ADCY2: variants seen among roughly 807,000 people sequenced by gnomAD.
The protein encoded by ADCY2 is adenylate cyclase type 2.
A neutral mutation model predicts 125.2 loss-of-function variants in ADCY2; 31 were observed. That is an observed-to-expected ratio of 0.25 (90% CI 0.19 to 0.33). The LOEUF (loss-of-function observed/expected upper bound fraction) is 0.33. Ranked by LOEUF, ADCY2 falls within the 10% of genes least tolerant of loss-of-function variation. The pLI, the probability that ADCY2 is intolerant of heterozygous loss-of-function variation, is 1.00. For synonymous variants in ADCY2, 512 were observed against 548.4 expected, an observed-to-expected ratio of 0.93 and a Z score of 0.93; for missense variants, 904 against 1,418.2, an observed-to-expected ratio of 0.64 and a Z score of 5.82.
chr5:7,589,593 G>A (rs558209604), intron 3 of ADCY2, among the ~76,000 whole-genome samples: 1 of 152,188 alleles, frequency 6.6e-6, no homozygotes, highest in Admixed American at 6.5e-5. Flanking sequence ...ATACATATTG[G>A]TGAATATCTA....
chr5:7,820,055 ATTT>A (rs1354856562), intron 23 of ADCY2, among the ~76,000 whole-genome samples: 1 of 152,208 alleles, frequency 6.6e-6, no homozygotes, highest in Non-Finnish European at 1.5e-5. Context: ...GGAATAAATT[ATTT>A]GAGATGCCTA....
Position 7,784,218 on chromosome 5 carries a change from G to C in ADCY2, c.2385-147G>C, listed in dbSNP as rs1744012947. On this transcript the variant is annotated intron_variant, in intron 18 of 24. Transcript: ENST00000338316. ...TTTTGTTTTAATGCAAGCTGGGTTT[G>C]GAAGGAGATTTGAAACTTGTGTTTG... is the stretch of plus-strand genomic sequence containing the variant. The C allele has an allele frequency of 8.2e-6, 5 of 609,272 alleles. No individual in the cohort carries two copies. In the South Asian group the frequency reaches 1.1e-4, roughly 14 times the overall value. The allele number at this position is 609,272 out of a possible 1,614,324, so 37.7% of individuals were successfully genotyped here.
chr5:7,403,109 T>C (rs1739329995), intron 1 of ADCY2, among the ~76,000 whole-genome samples: 2 of 152,108 alleles, frequency 1.3e-5, no homozygotes, highest in Admixed American at 6.6e-5. Context: ...AACACTGAAT[T>C]ATTTTTTGTG....
At chr5:7,459,642 G>C (rs1741836443) in intron 2 of ADCY2, among the ~76,000 whole-genome samples, 1 of 151,754 alleles carries the variant, frequency 6.6e-6, no homozygotes. Flanking sequence ...AATTAAACGG[G>C]TTATAGTTAT....
intron 3 of ADCY2, among the ~76,000 whole-genome samples, chr5:7,523,152 A>C (rs956941576): frequency 6.6e-6 from 1 of 152,172 alleles, no homozygotes; most frequent in African/African-American, 2.4e-5. Flanking sequence ...AATATTTCAG[A>C]AGAAGAGGTT....
At chr5:7,757,740 C>T (rs561476106) in intron 16 of ADCY2, among the ~76,000 whole-genome samples, 154 bp downstream of exon 16, 1 of 152,304 alleles carries the variant, frequency 6.6e-6, no homozygotes, top group Non-Finnish European at 1.5e-5. Context: ...AGTCAGGGCT[C>T]ACAGCAGGCA....
In ADCY2 at chr5:7,802,883, A is replaced by G. The variant is rs538946563; in HGVS notation, c.2775+519A>G. On this transcript the variant is annotated intron_variant, in intron 21 of 24. Transcript: ENST00000338316. This position sits in a 1 kb window ranked among gnomAD's most constrained non-coding sequence, Gnocchi z 4.6. Reference sequence around the variant, plus strand: ...TAGATGTTATTTTTCAACTTTCTACATAGAGAATAGTGTGTTCTATTTCCC... The same window carrying G: ...TAGATGTTATTTTTCAACTTTCTACGTAGAGAATAGTGTGTTCTATTTCCC... Among the ~76,000 whole-genome samples the G allele has an allele frequency of 4.6e-4, 70 of 152,340 alleles. No individual in the cohort carries two copies. Among genetic ancestry groups the G allele is most frequent in the African/African-American group, 1.6e-3 (66 of 41,586 alleles).
intron 2 of ADCY2, among the ~76,000 whole-genome samples, chr5:7,512,791 G>C (rs1353585471): frequency 6.6e-6 from 1 of 152,180 alleles, no homozygotes. Context: ...GTGAAGTTCT[G>C]TGAAGCCTGG....
intron 22 of ADCY2, among the ~76,000 whole-genome samples, chr5:7,814,345 G>A (rs748505299): frequency 4.6e-5 from 7 of 150,584 alleles, no homozygotes; most frequent in African/African-American, 7.3e-5. Flanking sequence ...TCCTCCCCCC[G>A]CCCCCCGGAG....
At position 7,731,430 on chromosome 5, in the gene ADCY2, A is replaced by G. The variant is rs191226596; in HGVS notation, c.1871+4169A>G. Among the ~76,000 whole-genome samples the G allele has an allele frequency of 1.6e-3, 235 of 150,460 alleles. 1 individual carries two copies. The highest frequency in any genetic ancestry group is 5.2e-3 in the African/African-American group (211 of 40,896). On this transcript the variant is annotated intron_variant, in intron 14 of 24. Transcript: ENST00000338316. ...AACATCACGCCCAGCTGATTTTTGT[A>G]TTTTTAGTAGAGACAGGGTTTCACC...
At chr5:7,774,633 A>T (rs1298801185) in intron 18 of ADCY2, among the ~76,000 whole-genome samples, 1 of 152,208 alleles carries the variant, frequency 6.6e-6, no homozygotes, top group East Asian at 1.9e-4. Context: ...CCCTAGCAGC[A>T]GGAGACTAGT....
intron 2 of ADCY2, among the ~76,000 whole-genome samples, chr5:7,483,413 A>G (rs1054949735): frequency 8.7e-5 from 13 of 150,052 alleles, no homozygotes; most frequent in African/African-American, 3.0e-4. Context: ...AAACTGCAGT[A>G]CATAAAAAAA....
chr5:7,682,120 G>T (rs1365145957), intron 4 of ADCY2, among the ~76,000 whole-genome samples: 2 of 152,198 alleles, frequency 1.3e-5, no homozygotes, highest in Non-Finnish European at 2.9e-5. Context: ...AGTGCTGAGA[G>T]AATTAAGCAA....
chr5:7,642,258 C>G (rs1439140141), intron 4 of ADCY2, among the ~76,000 whole-genome samples: 1 of 152,114 alleles, frequency 6.6e-6, no homozygotes, highest in African/African-American at 2.4e-5. Flanking sequence ...TTTCAGTTTG[C>G]ATTTCTAATG....
At chr5:7,512,515 G>A (rs760286177) in intron 2 of ADCY2, among the ~76,000 whole-genome samples, 5 of 152,106 alleles carry the variant, frequency 3.3e-5, no homozygotes, top group Non-Finnish European at 7.4e-5. Context: ...TAGGTTTGGG[G>A]ATTAGGGGTT....
intron 3 of ADCY2, among the ~76,000 whole-genome samples, chr5:7,554,577 G>T (rs1293075653): frequency 2.0e-5 from 3 of 152,182 alleles, no homozygotes. Flanking sequence ...TCATGAGACT[G>T]CAGATTTGAT....
At chr5:7,497,572 A>G (rs1743385294) in intron 2 of ADCY2, among the ~76,000 whole-genome samples, 1 of 152,154 alleles carries the variant, frequency 6.6e-6, no homozygotes, top group Admixed American at 6.6e-5. Flanking sequence ...AGGAGAGCAA[A>G]TGAAAGCATC....
chr5:7,499,711 A>G (rs1743495203), intron 2 of ADCY2, among the ~76,000 whole-genome samples: 1 of 145,142 alleles, frequency 6.9e-6, no homozygotes. Context: ...ATATGTATAT[A>G]TATGTATATA....
intron 2 of ADCY2, among the ~76,000 whole-genome samples, chr5:7,511,310 T>TG (rs1445452376): frequency 1.3e-5 from 2 of 152,192 alleles, no homozygotes; most frequent in Non-Finnish European, 2.9e-5. Flanking sequence ...GGGCGGTGCC[T>TG]CACGCCTGTA....
Sources: gnomAD v4.1 joint callset for allele counts (sites outside exome capture counted in the v4.1 genomes callset) on GRCh38, gnomAD v4.1.1 for gene constraint, Gnocchi (gnomAD v3.1) non-coding constraint, MANE v1.5 for transcripts, NCBI Gene and HGNC (gene_info 2026-07-23, HGNC 2026-07-21) for gene names.